DLEU7: variants seen among roughly 807,000 people sequenced by gnomAD.
DLEU7 encodes deleted in lymphocytic leukemia 7, also known as leukemia-associated protein 7.
Under a neutral mutation model 16.0 loss-of-function variants are expected in DLEU7, and 17 were observed. The observed-to-expected ratio is 1.06, with a 90% CI of 0.73 to 1.59. DLEU7 has a LOEUF of 1.59. Ranked by LOEUF, DLEU7 falls within the 40% of genes most tolerant of loss-of-function variation. The probability of loss-of-function intolerance (pLI) is 0.00; values close to 1 mark genes in which losing one functional copy is unlikely to be tolerated. For synonymous variants in DLEU7, 113 were observed against 139.8 expected, an observed-to-expected ratio of 0.81 and a Z score of 1.35; for missense variants, 308 against 314.9, an observed-to-expected ratio of 0.98 and a Z score of 0.17.
intron 1 of DLEU7, among the ~76,000 whole-genome samples, chr13:50,782,062 AC>A (rs1875663607): frequency 6.6e-6 from 1 of 151,694 alleles, no homozygotes; most frequent in Admixed American, 6.6e-5. Flanking sequence ...TTTCCCCCAT[AC>A]CCCCAAAAAA....
intron 1 of DLEU7, among the ~76,000 whole-genome samples, chr13:50,768,808 G>A (rs1157139934): frequency 1.3e-5 from 2 of 152,196 alleles, no homozygotes; most frequent in East Asian, 3.8e-4. Context: ...CCAGTAATGG[G>A]ATGGCTCGGT....
intron 1 of DLEU7, among the ~76,000 whole-genome samples, chr13:50,775,341 C>A (rs1161910120): frequency 6.6e-6 from 1 of 152,116 alleles, no homozygotes; most frequent in Non-Finnish European, 1.5e-5. Flanking sequence ...TTGCAACTAG[C>A]CTAGGATGAA....
chr13:50,830,693 G>A (rs1230499583), intron 1 of DLEU7, among the ~76,000 whole-genome samples: 1 of 152,238 alleles, frequency 6.6e-6, no homozygotes, highest in South Asian at 2.1e-4. Context: ...TTACAATATG[G>A]CTTATTAATT....
At chr13:50,820,697 C>T (rs1876877093), downstream of DLEU7, among the ~76,000 whole-genome samples, 1 of 151,952 alleles carries the variant, frequency 6.6e-6, no homozygotes. Context: ...TTGTTAAGGC[C>T]AGCAGTGAAT....
chr13:50,765,039 T>C (rs1875060567), intron 1 of DLEU7, among the ~76,000 whole-genome samples: 1 of 152,128 alleles, frequency 6.6e-6, no homozygotes, highest in South Asian at 2.1e-4. Flanking sequence ...CGCACCATCA[T>C]GCCTGGTAAA....
intron 1 of DLEU7, among the ~76,000 whole-genome samples, chr13:50,733,617 A>C (rs893619926): frequency 1.3e-5 from 2 of 151,916 alleles, no homozygotes; most frequent in Admixed American, 6.6e-5. Context: ...GCCCACACCC[A>C]CACACACACA....
intron 1 of DLEU7, among the ~76,000 whole-genome samples, chr13:50,798,661 G>A (rs1365840398): frequency 6.6e-6 from 1 of 152,184 alleles, no homozygotes; most frequent in East Asian, 1.9e-4. Flanking sequence ...CATGCAGTGA[G>A]GCAAGAGAAA....
At chr13:50,762,052 C>T (rs966438196) in intron 1 of DLEU7, among the ~76,000 whole-genome samples, 1 of 151,580 alleles carries the variant, frequency 6.6e-6, no homozygotes, top group Non-Finnish European at 1.5e-5. Flanking sequence ...ATTAGCCAGG[C>T]GTGGTGGTGG....
intron 1 of DLEU7, among the ~76,000 whole-genome samples, chr13:50,829,955 A>G (rs2137807972): frequency 6.6e-6 from 1 of 152,336 alleles, no homozygotes; most frequent in Admixed American, 6.5e-5. Context: ...AGAAACTCAC[A>G]TGATCAATAT....
intron 1 of DLEU7, among the ~76,000 whole-genome samples, chr13:50,815,869 C>G (rs1367852108): frequency 6.6e-6 from 1 of 152,164 alleles, no homozygotes; most frequent in African/African-American, 2.4e-5. Flanking sequence ...AACAAAACTA[C>G]CCCACTTTTT....
intron 1 of DLEU7, among the ~76,000 whole-genome samples, chr13:50,832,000 A>G (rs184073903): frequency 7.2e-5 from 11 of 152,270 alleles, no homozygotes; most frequent in Admixed American, 5.9e-4. Context: ...CTGGCCTCAT[A>G]AAATGAGTTA....
At chr13:50,728,990 T>A (rs1432367596) in intron 1 of DLEU7, among the ~76,000 whole-genome samples, 1 of 152,058 alleles carries the variant, frequency 6.6e-6, no homozygotes, top group Non-Finnish European at 1.5e-5. Context: ...TTTGTATAAC[T>A]TTTTTTTCAG....
At chr13:50,727,211 A>C (rs1011976471) in intron 1 of DLEU7, among the ~76,000 whole-genome samples, 1 of 138,918 alleles carries the variant, frequency 7.2e-6, no homozygotes, top group Non-Finnish European at 1.5e-5. Context: ...ACGCTCTTGC[A>C]TACGTGTGTG....
At chr13:50,770,141 A>C (rs1875250574) in intron 1 of DLEU7, among the ~76,000 whole-genome samples, 1 of 152,158 alleles carries the variant, frequency 6.6e-6, no homozygotes, top group African/African-American at 2.4e-5. Context: ...GACTTTGCTG[A>C]AGTTGCTTAT....
chr13:50,822,937 A>G lies in DLEU7; in HGVS notation c.*377T>C, dbSNP rs546674432. 1.0e-6 allele frequency: 1 copy of G among 971,732 alleles called. No homozygotes were observed. Among genetic ancestry groups the G allele is most frequent in the African/African-American group, 1.8e-5 (1 of 56,932 alleles). 60.2% of individuals were successfully genotyped at this position (971,732 alleles called of 1,614,324 possible). ...AAGAACCATGGAACTTTAATTATAT[A>G]AATAACCACATTAAACCCTTTAGAC... On this transcript the variant is annotated 3_prime_UTR_variant, in exon 2 of 2. Coordinates refer to ENST00000504404, the MANE Select transcript of DLEU7 (RefSeq NM_001306135.2).
chr13:50,800,891 T>C (rs896658225), intron 1 of DLEU7, among the ~76,000 whole-genome samples: 2 of 152,142 alleles, frequency 1.3e-5, no homozygotes, highest in Non-Finnish European at 2.9e-5. Flanking sequence ...TTTTGCAGCA[T>C]ACAGTGCTAG....
chr13:50,744,587 G>A (rs1224932755), intron 1 of DLEU7, among the ~76,000 whole-genome samples: 1 of 152,126 alleles, frequency 6.6e-6, no homozygotes, highest in Non-Finnish European at 1.5e-5. Flanking sequence ...GTCCAACACT[G>A]TGAAAATAAA....
At chr13:50,781,149 C>A (rs1875639444) in intron 1 of DLEU7, among the ~76,000 whole-genome samples, 1 of 152,212 alleles carries the variant, frequency 6.6e-6, no homozygotes, top group Admixed American at 6.5e-5. Flanking sequence ...GGTTCTCAGA[C>A]TTGTTGGTAC....
At chr13:50,722,808 A>G (rs1252214797) in intron 1 of DLEU7, among the ~76,000 whole-genome samples, 3 of 152,200 alleles carry the variant, frequency 2.0e-5, no homozygotes, top group African/African-American at 7.2e-5. Flanking sequence ...ATAGATTTGC[A>G]TGTAGTTGTA....
Sources: gnomAD v4.1 joint callset for allele counts (sites outside exome capture counted in the v4.1 genomes callset) on GRCh38, gnomAD v4.1.1 for gene constraint, MANE v1.5 for transcripts, NCBI Gene and HGNC (gene_info 2026-07-23, HGNC 2026-07-21) for gene names.